PRCP: variants seen among roughly 807,000 people sequenced by gnomAD.
PRCP encodes the protein prolylcarboxypeptidase, also known as lysosomal Pro-X carboxypeptidase.
A neutral mutation model predicts 54.2 loss-of-function variants in PRCP; 46 were observed. The ratio of observed to expected loss-of-function variants is 0.85; its 90% CI spans 0.67 to 1.09. The LOEUF is 1.09. Ranked by LOEUF, PRCP falls within the 50% of genes least tolerant of loss-of-function variation. PRCP has a pLI of 0.00. For synonymous variants in PRCP, 240 were observed against 212.2 expected (o/e 1.13, Z -1.14); for missense variants, 613 against 596.8 (o/e 1.03, Z -0.28).
intron 6 of PRCP, chr11:82,843,206 AGCTGAGGT>A (rs1858717720): frequency 6.6e-6 from 1 of 152,202 alleles, no homozygotes; most frequent in East Asian, 1.9e-4. Context: ...CTACTCAGGA[AGCTGAGGT>A]GGGAGGATTG....
chr11:82,849,253 G>C (rs754707637), intron 5 of PRCP, 35 bp from the exon 6 acceptor site: 30 of 1,606,958 alleles, frequency 1.9e-5, no homozygotes, highest in East Asian at 2.2e-5. Flanking sequence ...AATCTAAAAA[G>C]TACTGGTCAA....
At chr11:82,831,927 T>C (rs888381139) in intron 8 of PRCP, among the ~76,000 whole-genome samples, 2 of 152,120 alleles carry the variant, frequency 1.3e-5, no homozygotes, top group Middle Eastern at 3.2e-3. Context: ...GTCCATGTGT[T>C]CTCATTGTTC....
intron 1 of PRCP, among the ~76,000 whole-genome samples, chr11:82,882,885 C>CACACACACACA (rs1555018960): frequency 1.3e-5 from 1 of 77,944 alleles, no homozygotes; most frequent in African/African-American, 5.9e-5. Context: ...AGCCCTACTG[C>CACACACACACA]CACAGACCCT....
chr11:82,890,306 T>C (rs1018814230), intron 1 of PRCP, among the ~76,000 whole-genome samples: 4 of 152,286 alleles, frequency 2.6e-5, no homozygotes, highest in Middle Eastern at 3.4e-3. Context: ...TTCCATCTTA[T>C]TTTGCTGGGA....
At chr11:82,860,156 G>A (rs779806030) in intron 1 of PRCP, 39 bp from the exon 2 acceptor site, 3 of 1,351,300 alleles carry the variant, frequency 2.2e-6, no homozygotes, top group South Asian at 1.7e-5. Context: ...TCAAAGGAAA[G>A]TAATAAAATG....
At chr11:82,847,807 G>C (rs910914811) in intron 6 of PRCP, among the ~76,000 whole-genome samples, 3 of 151,894 alleles carry the variant, frequency 2.0e-5, no homozygotes, top group Non-Finnish European at 4.4e-5. Flanking sequence ...TTGCCCAGGT[G>C]GGTCTCAAAC....
intron 8 of PRCP, chr11:82,829,198 T>C (rs1300963479): frequency 1.3e-5 from 2 of 152,242 alleles, no homozygotes; most frequent in Admixed American, 6.5e-5. Flanking sequence ...CTGAACCAGA[T>C]AATGTCATTC....
intron 1 of PRCP, among the ~76,000 whole-genome samples, chr11:82,861,000 G>A (rs1268544830): frequency 2.6e-5 from 4 of 151,972 alleles, no homozygotes; most frequent in African/African-American, 4.8e-5. Flanking sequence ...TAAATTGAAC[G>A]TAAAACAAAA....
At chr11:82,887,263 T>G (rs1369636638) in intron 1 of PRCP, among the ~76,000 whole-genome samples, 1 of 152,230 alleles carries the variant, frequency 6.6e-6, no homozygotes, top group Non-Finnish European at 1.5e-5. Flanking sequence ...AAAGCATACA[T>G]CACACCTTTA....
chr11:82,865,670 AGGAGTTTTT>A (rs1336945734), intron 1 of PRCP, among the ~76,000 whole-genome samples: 7 of 152,254 alleles, frequency 4.6e-5, no homozygotes, highest in Admixed American at 4.6e-4. Flanking sequence ...AGCACCTTAA[AGGAGTTTTT>A]CATGTGCTCT....
chr11:82,874,460 G>A (rs1859553391), intron 1 of PRCP, among the ~76,000 whole-genome samples: 1 of 152,160 alleles, frequency 6.6e-6, no homozygotes, highest in African/African-American at 2.4e-5. Context: ...GGAGGCCAAG[G>A]CTGGCAGATC....
At chr11:82,868,896 C>T (rs1387788503) in intron 1 of PRCP, among the ~76,000 whole-genome samples, 2 of 151,950 alleles carry the variant, frequency 1.3e-5, no homozygotes, top group Admixed American at 1.3e-4. Context: ...ATTAGCCAGG[C>T]ATGGTGATAC....
At chr11:82,837,276 T>A (rs1004569164) in intron 8 of PRCP, 3 of 155,906 alleles carry the variant, frequency 1.9e-5, no homozygotes, top group Admixed American at 6.5e-5. Context: ...TTTGGCTGGA[T>A]AAGTTTGCCA....
intron 1 of PRCP, 115 bp downstream of exon 1, chr11:82,900,120 C>T: frequency 7.4e-7 from 1 of 1,347,242 alleles, no homozygotes; most frequent in Non-Finnish European, 1.0e-6. Flanking sequence ...AAAAACCGAA[C>T]AGATCCTAGG....
At chr11:82,850,851 T>C (rs1376021433) in intron 3 of PRCP, among the ~76,000 whole-genome samples, 2 of 152,184 alleles carry the variant, frequency 1.3e-5, no homozygotes, top group Admixed American at 1.3e-4. Flanking sequence ...ATTTAAAATG[T>C]CTGCCACACA....
intron 1 of PRCP, among the ~76,000 whole-genome samples, chr11:82,863,361 C>G (rs1859253320): frequency 1.3e-5 from 2 of 152,132 alleles, no homozygotes; most frequent in Admixed American, 6.5e-5. Context: ...GAACATACCC[C>G]CAAATATAAG....
chr11:82,900,425 G>T lies in PRCP; in HGVS notation c.-23C>A. On this transcript the variant is annotated 5_prime_UTR_variant, in exon 1 of 9. Transcript: ENST00000313010. ...CATGGCTCAGGCTGGAGACTGCAGTGCGGGTGGGAGGGCGAAAAGGAGGCC... is the reference window on the plus strand; with the variant it reads ...CATGGCTCAGGCTGGAGACTGCAGTTCGGGTGGGAGGGCGAAAAGGAGGCC... 1 of 1,610,274 alleles carries T rather than the reference G, an allele frequency of 6.2e-7. No individual in the cohort carries two copies. The highest frequency in any genetic ancestry group is 1.8e-4 in the Middle Eastern group (1 of 5,480).
rs766964457 is a variant in PRCP, at chr11:82,823,173, A to T, written c.*1733T>A. Among the ~76,000 whole-genome samples the T allele has an allele frequency of 2.0e-5, 3 of 152,196 alleles. No homozygotes were observed. Among genetic ancestry groups the T allele is most frequent in the Non-Finnish European group, 4.4e-5 (3 of 68,028 alleles). ...TTGTTTCTTCAGAATAATGTAACTC[A>T]TCCAAATAATCAACATCAAATAAAA... is the stretch of plus-strand genomic sequence containing the variant. On this transcript the variant is annotated 3_prime_UTR_variant, in exon 9 of 9. Transcript: ENST00000313010.
At chr11:82,892,072 G>A (rs2121274967) in intron 1 of PRCP, among the ~76,000 whole-genome samples, 1 of 152,290 alleles carries the variant, frequency 6.6e-6, no homozygotes, top group South Asian at 2.1e-4. Context: ...GTACCTCACA[G>A]GATTGTTGTA....
Sources: allele counts gnomAD v4.1 joint callset (sites outside exome capture counted in the v4.1 genomes callset), GRCh38; gene constraint gnomAD v4.1.1; transcripts MANE v1.5; gene names NCBI Gene and HGNC (gene_info 2026-07-23, HGNC 2026-07-21).